ACER1: variants seen among roughly 807,000 people sequenced by gnomAD.
ACER1 encodes alkaline ceramidase 1, also known as CTB-180A7.3.
A neutral mutation model predicts 24.9 loss-of-function variants in ACER1; 28 were observed. The ratio of observed to expected loss-of-function variants is 1.13; its 90% confidence interval spans 0.83 to 1.54. The LOEUF (loss-of-function observed/expected upper bound fraction) is 1.54. ACER1 is among the 40% of genes most tolerant of loss of function. The pLI, the probability that ACER1 is intolerant of heterozygous loss-of-function variation, is 0.00. For missense variants in ACER1, 352 were observed against 349.3 expected (o/e 1.01, Z -0.06); for synonymous variants, 132 against 131.4 (o/e 1.00, Z -0.03).
the ACER1 span, among the ~76,000 whole-genome samples, chr19:6,338,903 AG>A: frequency 7.2e-6 from 1 of 138,120 alleles, no homozygotes; most frequent in Non-Finnish European, 1.5e-5. Context: ...TTTAAGACCG[AG>A]TCTCTTCCTG....
At chr19:6,340,352 G>T in the ACER1 span, among the ~76,000 whole-genome samples, 5 of 71,972 alleles carry the variant, frequency 6.9e-5, 1 homozygote, top group Admixed American at 4.6e-4. Flanking sequence ...AGGAAGGAAG[G>T]AAGGAAGGAA....
chr19:6,315,172 T>C (rs6510889), intron 1 of ACER1, among the ~76,000 whole-genome samples: 96,807 of 151,306 alleles, frequency 0.64, 31,347 homozygotes, highest in African/African-American at 0.75. Context: ...TGTGAGCCAC[T>C]GCACCCGGCC....
chr19:6,335,906 C>A (rs140714645), upstream of ACER1, among the ~76,000 whole-genome samples: 990 of 141,580 alleles, frequency 7.0e-3, 17 homozygotes, highest in African/African-American at 0.025. Flanking sequence ...TTTTTCTTTT[C>A]TTTTTTTTTT....
chr19:6,337,265 A>G (rs1299583930), upstream of ACER1, among the ~76,000 whole-genome samples: 1 of 152,080 alleles, frequency 6.6e-6, no homozygotes, highest in East Asian at 1.9e-4. Context: ...GTCAGTGCTA[A>G]TATGTTCTAT....
chr19:6,341,597 T>TTTTGG, the ACER1 span, among the ~76,000 whole-genome samples: 4 of 150,804 alleles, frequency 2.7e-5, no homozygotes, highest in African/African-American at 9.9e-5. Flanking sequence ...ATTGGGCTTT[T>TTTTGG]TTTTGTTTTC....
the ACER1 span, among the ~76,000 whole-genome samples, chr19:6,352,894 C>T: frequency 2.2e-4 from 33 of 152,288 alleles, no homozygotes; most frequent in African/African-American, 7.7e-4. Flanking sequence ...GAGAAGGTAA[C>T]AGTGATGACA....
intron 1 of ACER1, among the ~76,000 whole-genome samples, chr19:6,313,512 T>G (rs760817836): frequency 7.9e-5 from 12 of 152,252 alleles, no homozygotes; most frequent in Admixed American, 5.2e-4. Context: ...TGCAGTTCAC[T>G]GTGGCCTTGT....
the ACER1 span, among the ~76,000 whole-genome samples, chr19:6,358,061 T>C: frequency 6.6e-6 from 1 of 152,030 alleles, no homozygotes; most frequent in Admixed American, 6.6e-5. Flanking sequence ...GCAGGGATGG[T>C]GGCAGCTGTT....
the ACER1 span, among the ~76,000 whole-genome samples, chr19:6,344,564 T>C: frequency 6.6e-6 from 1 of 151,866 alleles, no homozygotes; most frequent in Non-Finnish European, 1.5e-5. Context: ...CTGGCTAATT[T>C]ATTGTATTTT....
chr19:6,355,068 G>A, the ACER1 span, among the ~76,000 whole-genome samples: 3 of 152,088 alleles, frequency 2.0e-5, no homozygotes, highest in South Asian at 2.1e-4. Context: ...CGAGTGATCC[G>A]CCAGCCTCGG....
At chr19:6,311,710 A>G (rs781230839) in intron 3 of ACER1, among the ~76,000 whole-genome samples, 10 of 152,014 alleles carry the variant, frequency 6.6e-5, no homozygotes, top group Non-Finnish European at 1.3e-4. Flanking sequence ...AAGGAGAAGG[A>G]GATTATTTCA....
At chr19:6,349,665 T>C in the ACER1 span, among the ~76,000 whole-genome samples, 1 of 151,968 alleles carries the variant, frequency 6.6e-6, no homozygotes, top group African/African-American at 2.4e-5. Flanking sequence ...GAAGTCAGAA[T>C]ACCCAGGCCT....
upstream of ACER1, among the ~76,000 whole-genome samples, chr19:6,336,460 GA>G (rs1373123324): frequency 2.0e-5 from 3 of 152,094 alleles, no homozygotes; most frequent in Non-Finnish European, 4.4e-5. Flanking sequence ...TGGTGAAAAT[GA>G]TAATGGTACT....
chr19:6,326,465 A>G (rs368271391), intron 1 of ACER1, among the ~76,000 whole-genome samples: 64 of 150,976 alleles, frequency 4.2e-4, no homozygotes, highest in African/African-American at 1.5e-3. Context: ...GGGTCTTGCT[A>G]TATTGCCCAG....
intron 1 of ACER1, among the ~76,000 whole-genome samples, chr19:6,321,493 C>A (rs1266469239): frequency 6.6e-6 from 1 of 152,164 alleles, no homozygotes; most frequent in Non-Finnish European, 1.5e-5. Flanking sequence ...TCTTCCTTGG[C>A]ACATCCCACC....
chr19:6,337,442 C>A (rs1267297852), upstream of ACER1, among the ~76,000 whole-genome samples: 1 of 150,428 alleles, frequency 6.6e-6, no homozygotes, highest in African/African-American at 2.4e-5. Flanking sequence ...GGTAGGGTTA[C>A]AAAGTTTCCT....
intron 1 of ACER1, among the ~76,000 whole-genome samples, chr19:6,313,604 G>A (rs1169437259): frequency 1.1e-4 from 17 of 152,158 alleles, no homozygotes; most frequent in Admixed American, 1.1e-3. Flanking sequence ...CAAAAACCAC[G>A]TAAGGAAAGC....
intron 1 of ACER1, among the ~76,000 whole-genome samples, chr19:6,333,027 T>G (rs1360462477): frequency 1.3e-5 from 2 of 151,968 alleles, no homozygotes; most frequent in African/African-American, 4.8e-5. Flanking sequence ...CTGGGACAAG[T>G]TGGTCAGTGG....
At chr19:6,325,173 C>A (rs1015524742) in intron 1 of ACER1, among the ~76,000 whole-genome samples, 1 of 152,214 alleles carries the variant, frequency 6.6e-6, no homozygotes, top group Non-Finnish European at 1.5e-5. Flanking sequence ...TCAAAAGCCA[C>A]CCCATGGCTC....
Sources: allele counts gnomAD v4.1 joint callset (sites outside exome capture counted in the v4.1 genomes callset), GRCh38; gene constraint gnomAD v4.1.1; transcripts MANE v1.5; gene names NCBI Gene and HGNC (gene_info 2026-07-23, HGNC 2026-07-21).